Variants in TBC1D5 observed in about 807,000 individuals in gnomAD.
TBC1D5 encodes the protein TBC1 domain family member 5.
In TBC1D5, 75 loss-of-function variants were observed where a neutral mutation model predicts 100.3. That is an observed-to-expected ratio of 0.75 (90% confidence interval 0.62 to 0.91). The LOEUF (loss-of-function observed/expected upper bound fraction) is 0.91. TBC1D5 is among the 40% of genes least tolerant of loss of function. The pLI is 0.00. For missense variants in TBC1D5, 910 were observed against 942.4 expected (o/e 0.97, Z 0.45); for synonymous variants, 323 against 325.6 (o/e 0.99, Z 0.09).
chr3:17,571,831 C>T (rs73165725), intron 2 of TBC1D5, among the ~76,000 whole-genome samples: 12,875 of 152,056 alleles, frequency 0.085, 1,173 homozygotes, highest in African/African-American at 0.23. Context: ...TGAGGAATTA[C>T]AGTCAGCTGA....
chr3:17,706,123 A>G lies in TBC1D5; in HGVS notation c.-101+33220T>C. 6 of 1,605,502 alleles carry G rather than the reference A, an allele frequency of 3.7e-6. No homozygotes were observed. The South Asian group carries it at 6.7e-5, about 18-fold the overall frequency. On this transcript the variant is annotated intron_variant, in intron 1 of 21. Coordinates refer to ENST00000253692, the Ensembl canonical transcript of TBC1D5. The stretch of plus-strand genomic sequence containing the variant: ...TTGCCCTCGAAGGTGAAGTCCAGCA[A>G]GTCGGGCTTGAGGCAAAGGCTGCAG...
At chr3:17,339,516 T>C (rs1337639790) in intron 13 of TBC1D5, among the ~76,000 whole-genome samples, 2 of 152,210 alleles carry the variant, frequency 1.3e-5, no homozygotes, top group Non-Finnish European at 2.9e-5. Context: ...GACATGTGTG[T>C]TTAAACAAAC....
At chr3:17,411,083 C>T (rs1272485440) in intron 4 of TBC1D5, among the ~76,000 whole-genome samples, 1 of 151,990 alleles carries the variant, frequency 6.6e-6, no homozygotes, top group Non-Finnish European at 1.5e-5. Context: ...AAAGGAATTG[C>T]CACAGTTACC....
intron 15 of TBC1D5, among the ~76,000 whole-genome samples, chr3:17,278,920 A>G (rs116064775): frequency 0.013 from 1,982 of 152,328 alleles, 35 homozygotes; most frequent in African/African-American, 0.045. Flanking sequence ...TGTAACTTTT[A>G]GGTGTTCTTT....
At chr3:17,691,540 C>T (rs188372199) in intron 1 of TBC1D5, among the ~76,000 whole-genome samples, 3 of 152,236 alleles carry the variant, frequency 2.0e-5, no homozygotes, top group East Asian at 1.9e-4. Flanking sequence ...GACTTCAGGC[C>T]GGGCGCCGTG....
intron 15 of TBC1D5, among the ~76,000 whole-genome samples, chr3:17,277,464 T>A (rs1000199210): frequency 1.3e-5 from 2 of 152,178 alleles, no homozygotes; most frequent in Non-Finnish European, 2.9e-5. Flanking sequence ...GTTTCCCCCA[T>A]CAATCTCGTT....
chr3:17,276,519 C>T (rs1418124366), intron 15 of TBC1D5, among the ~76,000 whole-genome samples: 1 of 152,234 alleles, frequency 6.6e-6, no homozygotes, highest in Non-Finnish European at 1.5e-5. Context: ...ATCAGCCTTG[C>T]AAGCTCAGTT....
intron 1 of TBC1D5, among the ~76,000 whole-genome samples, chr3:17,678,025 G>A (rs1242541663): frequency 6.6e-6 from 1 of 152,102 alleles, no homozygotes; most frequent in Admixed American, 6.6e-5. Flanking sequence ...AGCATTAGGA[G>A]ATATACCTAA....
intron 17 of TBC1D5, among the ~76,000 whole-genome samples, chr3:17,230,723 T>A (rs1432658171): frequency 6.6e-6 from 1 of 152,112 alleles, no homozygotes; most frequent in Non-Finnish European, 1.5e-5. Context: ...GAAATTATTT[T>A]AAAAAATCTA....
intron 1 of TBC1D5, among the ~76,000 whole-genome samples, chr3:17,697,233 T>C (rs186255039): frequency 1.3e-5 from 2 of 152,250 alleles, no homozygotes; most frequent in East Asian, 3.9e-4. Flanking sequence ...GTATTCAACA[T>C]AGGGTTGGAA....
chr3:17,175,063 G>A (rs1186433003), intron 19 of TBC1D5, among the ~76,000 whole-genome samples: 1 of 152,224 alleles, frequency 6.6e-6, no homozygotes, highest in Non-Finnish European at 1.5e-5. Context: ...ATCTTAGATT[G>A]AGAAGTGGTA....
intron 3 of TBC1D5, among the ~76,000 whole-genome samples, chr3:17,485,288 ATTTTATTTT>A (rs2095549072): frequency 7.8e-6 from 1 of 128,202 alleles, no homozygotes; most frequent in Admixed American, 7.2e-5. Flanking sequence ...TTTTAGTAAA[ATTTTATTTT>A]ATTTTATTTT....
At chr3:17,728,520 A>C (rs1253441595) in intron 1 of TBC1D5, among the ~76,000 whole-genome samples, 2 of 152,240 alleles carry the variant, frequency 1.3e-5, no homozygotes. Flanking sequence ...TGTTACTGAT[A>C]CATATAGAGA....
chr3:17,381,476 T>A (rs981728138), intron 9 of TBC1D5, among the ~76,000 whole-genome samples: 1 of 152,012 alleles, frequency 6.6e-6, no homozygotes, highest in Non-Finnish European at 1.5e-5. Context: ...AAAGCCAACA[T>A]AATGAAAAGA....
intron 8 of TBC1D5, among the ~76,000 whole-genome samples, chr3:17,402,611 G>A (rs149796080): frequency 6.6e-6 from 1 of 152,130 alleles, no homozygotes; most frequent in East Asian, 1.9e-4. Flanking sequence ...ATGATCTTCT[G>A]ACACAAATTC....
intron 9 of TBC1D5, among the ~76,000 whole-genome samples, chr3:17,377,524 T>A (rs2092756908): frequency 6.6e-6 from 1 of 152,054 alleles, no homozygotes; most frequent in Non-Finnish European, 1.5e-5. Flanking sequence ...ACTTTCCTTT[T>A]GCTTAGTAAC....
exon 22 of TBC1D5, chr3:17,160,812 CTA>C: frequency 9.8e-7 from 1 of 1,017,414 alleles, no homozygotes; most frequent in Non-Finnish European, 1.4e-6. Context: ...ATGCTTCTCT[CTA>C]AGGGGTTTCA....
chr3:17,247,308 G>A (rs532032561), intron 16 of TBC1D5, among the ~76,000 whole-genome samples: 2 of 152,226 alleles, frequency 1.3e-5, no homozygotes, highest in African/African-American at 4.8e-5. Flanking sequence ...CTAGACCACT[G>A]TAATAAAGCA....
At chr3:17,633,456 T>C (rs908564584) in intron 1 of TBC1D5, among the ~76,000 whole-genome samples, 1 of 151,966 alleles carries the variant, frequency 6.6e-6, no homozygotes, top group African/African-American at 2.4e-5. Flanking sequence ...AAAAAATAAC[T>C]ATTCACCCTA....
Sources: allele counts gnomAD v4.1 joint callset (sites outside exome capture counted in the v4.1 genomes callset), GRCh38; gene constraint gnomAD v4.1.1; transcripts MANE v1.5; gene names NCBI Gene and HGNC (gene_info 2026-07-23, HGNC 2026-07-21).